The following MYO1D variants were observed in gnomAD, a reference collection of about 807,000 sequenced individuals.
MYO1D encodes the protein myosin ID.
Under a neutral mutation model 122.0 loss-of-function variants are expected in MYO1D, and 83 were observed. The observed-to-expected ratio is 0.68, with a 90% confidence interval of 0.57 to 0.82. The LOEUF is 0.82. Ranked by LOEUF, MYO1D falls within the 40% of genes least tolerant of loss-of-function variation. MYO1D has a pLI of 0.00. For missense variants in MYO1D, 1,157 were observed against 1,269.5 expected, an observed-to-expected ratio of 0.91 and a Z score of 1.35; for synonymous variants, 464 against 446.9, an observed-to-expected ratio of 1.04 and a Z score of -0.48.
chr17:32,700,443 G>A (rs186719939), intron 16 of MYO1D, among the ~76,000 whole-genome samples: 31 of 152,314 alleles, frequency 2.0e-4, no homozygotes, highest in Non-Finnish European at 3.1e-4. Flanking sequence ...GTACCAGTCC[G>A]TGGCACAAGG....
intron 1 of MYO1D, among the ~76,000 whole-genome samples, chr17:32,839,495 T>C (rs1177613816): frequency 6.6e-6 from 1 of 152,210 alleles, no homozygotes; most frequent in Non-Finnish European, 1.5e-5. Flanking sequence ...TTAATCAGTT[T>C]GAGTTTGGAT....
intron 21 of MYO1D, among the ~76,000 whole-genome samples, chr17:32,571,150 G>A (rs2087223298): frequency 6.6e-6 from 1 of 152,152 alleles, no homozygotes; most frequent in South Asian, 2.1e-4. Context: ...TAGAGTAGGT[G>A]AATCAGTGGG....
intron 20 of MYO1D, among the ~76,000 whole-genome samples, chr17:32,627,489 T>C (rs1209136566): frequency 6.6e-6 from 1 of 152,296 alleles, no homozygotes; most frequent in Non-Finnish European, 1.5e-5. Context: ...CGAAATGATA[T>C]CTTTCTAGCA....
At chr17:32,840,757 G>A (rs1020027541) in intron 1 of MYO1D, among the ~76,000 whole-genome samples, 1 of 152,116 alleles carries the variant, frequency 6.6e-6, no homozygotes, top group Non-Finnish European at 1.5e-5. Context: ...AAAGTCCTGG[G>A]GAAGAACTGT....
At chr17:32,656,068 C>T (rs2088472841) in intron 17 of MYO1D, among the ~76,000 whole-genome samples, 1 of 152,278 alleles carries the variant, frequency 6.6e-6, no homozygotes, top group East Asian at 1.9e-4. Flanking sequence ...AAAACAGGTA[C>T]AAGTTCTCTT....
intron 21 of MYO1D, among the ~76,000 whole-genome samples, chr17:32,580,290 T>A (rs199861874): frequency 1.3e-3 from 10 of 7,954 alleles, no homozygotes; most frequent in African/African-American, 3.5e-3. Context: ...GCTAAGAGGA[T>A]TTTTTTTTTT....
chr17:32,710,608 G>C (rs76285187), intron 16 of MYO1D, among the ~76,000 whole-genome samples: 5,523 of 152,146 alleles, frequency 0.036, 156 homozygotes, highest in Non-Finnish European at 0.054. Flanking sequence ...TCAAAATTAA[G>C]AATTCGGTCC....
rs71144843 is a variant in MYO1D at position 32,580,289 on chromosome 17, ATTTTTTTTTTTTTTT to A, written c.2864+24783_2864+24797del. Among the ~76,000 whole-genome samples the A allele has an allele frequency of 3.6e-3, 140 of 39,152 alleles. 2 individuals are homozygous for A. The highest frequency in any genetic ancestry group is 0.01 in the African/African-American group (91 of 8,880). 25.7% of individuals were successfully genotyped at this position (39,152 alleles called of 152,430 possible). A position where few individuals can be genotyped will look rare whatever the true frequency, so the allele number is the denominator to read the frequency against. On this transcript the variant is annotated intron_variant, in intron 21 of 21. Coordinates refer to ENST00000318217, the MANE Select transcript of MYO1D (RefSeq NM_015194.3). ...CTTCTATTGTTAGTCTGCTAAGAGG[ATTTTTTTTTTTTTTT>A]TTTTTTTTTTTTTTTTTTTTTACCA...
chr17:32,665,137 T>C (rs900151694), intron 16 of MYO1D, among the ~76,000 whole-genome samples: 9 of 152,144 alleles, frequency 5.9e-5, no homozygotes, highest in Admixed American at 3.3e-4. Flanking sequence ...CTTTGCTCAG[T>C]AGTCACCTTC....
chr17:32,670,895 C>T (rs1023050660), intron 16 of MYO1D, among the ~76,000 whole-genome samples: 1 of 152,150 alleles, frequency 6.6e-6, no homozygotes, highest in Non-Finnish European at 1.5e-5. Flanking sequence ...GTCAGCATGA[C>T]CTCATTCTTC....
At chr17:32,687,266 A>G (rs551299281) in intron 16 of MYO1D, among the ~76,000 whole-genome samples, 11 of 147,156 alleles carry the variant, frequency 7.5e-5, no homozygotes, top group African/African-American at 2.5e-4. Context: ...GCGCGATCTC[A>G]GCTCACTGCA....
chr17:32,653,846 A>G lies in MYO1D; in HGVS notation c.2592T>C (p.Arg864=), dbSNP rs898148659. Residue 864 remains arginine, a synonymous_variant, in exon 19 of 22, where the codon CGT becomes CGC. Coordinates refer to ENST00000318217, the MANE Select transcript of MYO1D (RefSeq NM_015194.3). ...YMNVLFSCHV[R]KVNRFSKVED... The stretch of plus-strand genomic sequence containing the variant: ...ATCTGGTTTAAGCTTGCCTTACCTT[A>G]CGGACGTGACAGGAAAAGAGGACAT... 6.2e-7 allele frequency: 1 copy of G among 1,612,688 alleles called. No individual in the cohort carries two copies. The highest frequency in any genetic ancestry group is 1.3e-5 in the African/African-American group (1 of 75,014).
chr17:32,771,685 T>C (rs28648691), intron 5 of MYO1D, among the ~76,000 whole-genome samples: 2,676 of 152,332 alleles, frequency 0.018, 87 homozygotes, highest in African/African-American at 0.061. Flanking sequence ...CTCATCAATC[T>C]GTACCTCTCA....
intron 14 of MYO1D, among the ~76,000 whole-genome samples, chr17:32,731,648 G>A (rs1380456157): frequency 2.6e-5 from 4 of 152,254 alleles, no homozygotes; most frequent in Non-Finnish European, 4.4e-5. Flanking sequence ...CTGCAGTGGG[G>A]GAGGTGCATC....
intron 16 of MYO1D, among the ~76,000 whole-genome samples, chr17:32,708,933 G>A (rs2089341311): frequency 6.6e-6 from 1 of 152,182 alleles, no homozygotes; most frequent in Non-Finnish European, 1.5e-5. Context: ...ATTTCTAGAA[G>A]CACAGTGCTG....
chr17:32,535,567 G>A (rs1910638280), intron 21 of MYO1D, among the ~76,000 whole-genome samples: 1 of 152,156 alleles, frequency 6.6e-6, no homozygotes, highest in African/African-American at 2.4e-5. Flanking sequence ...CCAACATGGT[G>A]AAACCCCATC....
At chr17:32,772,751 G>C (rs748788953) in intron 5 of MYO1D, 38 bp downstream of exon 5, 1 of 1,499,438 alleles carries the variant, frequency 6.7e-7, no homozygotes, top group South Asian at 1.1e-5. Context: ...CTGCACAACT[G>C]GGCAAATGAT....
chr17:32,573,904 T>A (rs1040716249), intron 21 of MYO1D, among the ~76,000 whole-genome samples: 78 of 152,200 alleles, frequency 5.1e-4, no homozygotes, highest in African/African-American at 1.8e-3. Flanking sequence ...CAGGCTGGAG[T>A]GCAGTGGCGC....
intron 21 of MYO1D, among the ~76,000 whole-genome samples, chr17:32,600,769 T>A (rs1192652263): frequency 6.6e-6 from 1 of 152,218 alleles, no homozygotes; most frequent in Non-Finnish European, 1.5e-5. Flanking sequence ...GTATCAGCAA[T>A]AAGACTGTTT....
Sources: allele counts gnomAD v4.1 joint callset (sites outside exome capture counted in the v4.1 genomes callset), GRCh38; gene constraint gnomAD v4.1.1; transcripts MANE v1.5; gene names NCBI Gene and HGNC (gene_info 2026-07-23, HGNC 2026-07-21).